Variants in BLTP3B observed in about 807,000 individuals in gnomAD.
BLTP3B encodes the protein bridge-like lipid transfer protein family member 3B.
the BLTP3B span, chr12:100,142,692 C>T: frequency 6.4e-7 from 1 of 1,570,696 alleles, no homozygotes; most frequent in Non-Finnish European, 8.6e-7. Flanking sequence ...CTCCTCTCTT[C>T]GTGGCCGTCT....
At chr12:100,037,771 G>A in the BLTP3B span, 1 of 1,575,228 alleles carries the variant, frequency 6.3e-7, no homozygotes, top group Non-Finnish European at 8.6e-7. Flanking sequence ...ATGATAAATG[G>A]CGGGGGGATA....
the BLTP3B span, among the ~76,000 whole-genome samples, chr12:100,038,439 G>A: frequency 6.6e-6 from 1 of 152,100 alleles, no homozygotes; most frequent in Non-Finnish European, 1.5e-5. Context: ...GGGTTCAAGT[G>A]ATTCTCTTGC....
At chr12:100,042,616 G>C in the BLTP3B span, among the ~76,000 whole-genome samples, 1 of 152,118 alleles carries the variant, frequency 6.6e-6, no homozygotes, top group Non-Finnish European at 1.5e-5. Context: ...CTCTTATACA[G>C]GACATCCAAA....
the BLTP3B span, among the ~76,000 whole-genome samples, chr12:100,094,249 G>A: frequency 6.6e-6 from 1 of 152,076 alleles, no homozygotes; most frequent in South Asian, 2.1e-4. Flanking sequence ...AGGACTGCAG[G>A]TATATGCCAC....
the BLTP3B span, among the ~76,000 whole-genome samples, chr12:100,061,656 CAAAAAAAAAAA>C: frequency 1.6e-4 from 11 of 67,292 alleles, no homozygotes; most frequent in East Asian, 3.3e-3. Flanking sequence ...GACTCCGTCT[CAAAAAAAAAAA>C]AAAAAAAAAG....
chr12:100,126,898 T>C, the BLTP3B span, among the ~76,000 whole-genome samples: 1 of 152,182 alleles, frequency 6.6e-6, no homozygotes, highest in African/African-American at 2.4e-5. Context: ...ATAAGTTCAA[T>C]AGTTATTTCA....
At chr12:100,071,770 A>T in the BLTP3B span, among the ~76,000 whole-genome samples, 1 of 152,200 alleles carries the variant, frequency 6.6e-6, no homozygotes, top group Non-Finnish European at 1.5e-5. Context: ...AGTCAAAAAA[A>T]TTCTCTACAG....
the BLTP3B span, among the ~76,000 whole-genome samples, chr12:100,077,779 A>C: frequency 1.3e-5 from 2 of 152,240 alleles, no homozygotes; most frequent in Admixed American, 1.3e-4. Context: ...AATAGATCAT[A>C]TATTATCGTG....
chr12:100,125,499 CATT>C, the BLTP3B span, among the ~76,000 whole-genome samples: 21 of 151,932 alleles, frequency 1.4e-4, no homozygotes, highest in East Asian at 4.1e-3. Context: ...AAAAATAAAA[CATT>C]AGCCGAGCAT....
the BLTP3B span, among the ~76,000 whole-genome samples, chr12:100,067,912 T>C: frequency 1.3e-5 from 2 of 152,118 alleles, no homozygotes; most frequent in Non-Finnish European, 2.9e-5. Flanking sequence ...ATTGGGAAAA[T>C]GGCCATACTG....
chr12:100,089,679 C>T, the BLTP3B span, among the ~76,000 whole-genome samples: 1 of 152,084 alleles, frequency 6.6e-6, no homozygotes, highest in Non-Finnish European at 1.5e-5. Flanking sequence ...TATTTATAGC[C>T]CTTGTTTTAG....
chr12:100,040,650 C>T, the BLTP3B span, among the ~76,000 whole-genome samples: 256 of 152,300 alleles, frequency 1.7e-3, no homozygotes, highest in African/African-American at 5.7e-3. Flanking sequence ...CTCACCACTG[C>T]ACTCCAGCCT....
chr12:100,045,132 C>T, the BLTP3B span, among the ~76,000 whole-genome samples: 2 of 152,190 alleles, frequency 1.3e-5, no homozygotes, highest in African/African-American at 4.8e-5. Context: ...ATTCCATGCT[C>T]ATGGGTAGGA....
At chr12:100,118,124 G>A in the BLTP3B span, among the ~76,000 whole-genome samples, 3 of 151,900 alleles carry the variant, frequency 2.0e-5, no homozygotes, top group African/African-American at 4.8e-5. Context: ...TTTTTTTAAA[G>A]GAAAACAGCA....
the BLTP3B span, chr12:100,097,285 A>G: frequency 7.0e-7 from 1 of 1,420,168 alleles, no homozygotes; most frequent in African/African-American, 1.4e-5. Context: ...TCCTATAGTT[A>G]ACTAATAGTT....
At chr12:100,125,407 T>C in the BLTP3B span, among the ~76,000 whole-genome samples, 1 of 151,058 alleles carries the variant, frequency 6.6e-6, no homozygotes, top group East Asian at 1.9e-4. Context: ...CTCAACACTT[T>C]GGGAGGCCCA....
chr12:100,083,156 T>C, the BLTP3B span: 2 of 1,554,612 alleles, frequency 1.3e-6, no homozygotes, highest in South Asian at 2.3e-5. Flanking sequence ...AAAAACTCCT[T>C]TCAATTCATT....
At chr12:100,041,506 G>A in the BLTP3B span, among the ~76,000 whole-genome samples, 4 of 139,144 alleles carry the variant, frequency 2.9e-5, no homozygotes, top group East Asian at 2.1e-4. Flanking sequence ...GCACAATCTC[G>A]GCTCATTGCA....
chr12:100,116,448 CAAAAAAAAA>C, the BLTP3B span, among the ~76,000 whole-genome samples: 1 of 56,002 alleles, frequency 1.8e-5, no homozygotes, highest in Non-Finnish European at 3.7e-5. Flanking sequence ...GATCCTGTCT[CAAAAAAAAA>C]AAAAAAAAAG....
Sources: allele counts gnomAD v4.1 joint callset (sites outside exome capture counted in the v4.1 genomes callset), GRCh38; gene constraint gnomAD v4.1.1; transcripts MANE v1.5; gene names NCBI Gene and HGNC (gene_info 2026-07-23, HGNC 2026-07-21).